TRHDE: variants seen among roughly 807,000 people sequenced by gnomAD.
TRHDE encodes thyrotropin releasing hormone degrading enzyme.
In TRHDE, 72 loss-of-function variants were observed where a neutral mutation model predicts 125.7. The ratio of observed to expected loss-of-function variants is 0.57; its 90% confidence interval spans 0.47 to 0.70. The LOEUF (loss-of-function observed/expected upper bound fraction) is 0.70. Among genes scored for constraint, TRHDE ranks in the 30% least tolerant of loss-of-function variants. The pLI, the probability that TRHDE is intolerant of heterozygous loss-of-function variation, is 0.00. For missense variants in TRHDE, 1,110 were observed against 1,327.1 expected (o/e 0.84, Z 2.54); for synonymous variants, 509 against 509.1 (o/e 1.00, Z 0.00).
chr12:72,252,559 T>G (rs1000816439), intron 2 of TRHDE, among the ~76,000 whole-genome samples: 48 of 152,136 alleles, frequency 3.2e-4, no homozygotes, highest in Non-Finnish European at 5.7e-4. Flanking sequence ...TTATAAAGCT[T>G]AATATCAGGT....
At chr12:72,349,936 A>G (rs963085899) in intron 2 of TRHDE, among the ~76,000 whole-genome samples, 4 of 152,030 alleles carry the variant, frequency 2.6e-5, no homozygotes, top group Admixed American at 2.0e-4. Context: ...TTGTCCTTAC[A>G]TAGATCTAAA....
intron 3 of TRHDE, among the ~76,000 whole-genome samples, chr12:72,399,472 T>C (rs1421869703): frequency 6.6e-6 from 1 of 151,914 alleles, no homozygotes; most frequent in Non-Finnish European, 1.5e-5. Flanking sequence ...TAAACTACTC[T>C]TGTGCTGCTT....
chr12:72,342,529 C>A (rs554140464), intron 2 of TRHDE, among the ~76,000 whole-genome samples: 1 of 152,050 alleles, frequency 6.6e-6, no homozygotes, highest in Non-Finnish European at 1.5e-5. Flanking sequence ...TTAGTATAGG[C>A]GATTGAGATG....
chr12:72,423,869 T>A (rs1874072144), intron 3 of TRHDE, among the ~76,000 whole-genome samples: 1 of 152,074 alleles, frequency 6.6e-6, no homozygotes. Flanking sequence ...TGATGTCATG[T>A]GAGAGGCAAT....
intron 2 of TRHDE, among the ~76,000 whole-genome samples, chr12:72,368,887 C>T (rs1871452215): frequency 6.6e-6 from 1 of 152,072 alleles, no homozygotes. Context: ...TGCTGTGTTT[C>T]CTACCCTTGT....
chr12:72,484,837 C>A (rs1877329789), intron 5 of TRHDE, among the ~76,000 whole-genome samples: 1 of 152,060 alleles, frequency 6.6e-6, no homozygotes. Context: ...CAAGAAAAGT[C>A]CCCAGACAAC....
At chr12:72,460,234 T>C (rs1166308220) in intron 3 of TRHDE, among the ~76,000 whole-genome samples, 2 of 152,196 alleles carry the variant, frequency 1.3e-5, no homozygotes, top group Non-Finnish European at 2.9e-5. Flanking sequence ...CTCACAGTAG[T>C]CCTGCAAAAT....
intron 2 of TRHDE, among the ~76,000 whole-genome samples, chr12:72,199,259 T>A (rs1877507205): frequency 6.6e-6 from 1 of 152,014 alleles, no homozygotes; most frequent in African/African-American, 2.4e-5. Context: ...AAAATCACCA[T>A]AGGAGGTATG....
Position 72,250,837 on chromosome 12 carries a change from GATATATATAT to G in TRHDE, n.280-127141_280-127132del, listed in dbSNP as rs376713479. Among the ~76,000 whole-genome samples, 308 of 117,948 alleles carry G rather than the reference GATATATATAT, an allele frequency of 2.6e-3. 11 individuals are homozygous for G. The South Asian group carries it at 0.054, about 21-fold the overall frequency. The allele number at this position is 117,948 out of a possible 152,430, so 77.4% of individuals were successfully genotyped here. A position where few individuals can be genotyped will look rare whatever the true frequency, so the allele number is the denominator to read the frequency against. On this transcript the variant is annotated intron_variant and non_coding_transcript_variant, in intron 2 of 4. Coordinates refer to the TRHDE transcript ENST00000548156. ...TGTGTAACTTTCAATATGACTTACA[GATATATATAT>G]ATATATATATATATATTTTATTTTT...
At chr12:72,353,607 C>T (rs969345725) in intron 2 of TRHDE, among the ~76,000 whole-genome samples, 1 of 151,316 alleles carries the variant, frequency 6.6e-6, no homozygotes. Flanking sequence ...TGCTCTGAGT[C>T]ACAGAGCAGT....
upstream of TRHDE, chr12:72,272,182 C>A (rs757922856): frequency 2.2e-6 from 1 of 453,908 alleles, no homozygotes; most frequent in Non-Finnish European, 4.4e-6. The surrounding 1 kb of genome is among the most constrained non-coding windows in gnomAD (Gnocchi z 6.7). Context: ...GGGGAGAAAG[C>A]GAAAGCCCTA....
intron 2 of TRHDE, among the ~76,000 whole-genome samples, chr12:72,293,952 G>A (rs1390807550): frequency 6.6e-6 from 1 of 152,214 alleles, no homozygotes; most frequent in African/African-American, 2.4e-5. Flanking sequence ...TATGCCAGCT[G>A]CTGCAGTGGG....
chr12:72,130,408 A>G (rs1400460246), intron 2 of TRHDE, among the ~76,000 whole-genome samples: 2 of 152,262 alleles, frequency 1.3e-5, no homozygotes, highest in Non-Finnish European at 2.9e-5. Context: ...GCAAAGCCAT[A>G]GTTATAAAGA....
intron 1 of TRHDE, among the ~76,000 whole-genome samples, chr12:72,093,608 A>G (rs1316505552): frequency 6.6e-6 from 1 of 151,868 alleles, no homozygotes; most frequent in Non-Finnish European, 1.5e-5. Context: ...CTGCTATTCA[A>G]GCTCTTTATT....
At chr12:72,374,576 T>C (rs1355701933) in intron 2 of TRHDE, among the ~76,000 whole-genome samples, 2 of 151,980 alleles carry the variant, frequency 1.3e-5, no homozygotes, top group Admixed American at 6.6e-5. Flanking sequence ...TAATCAATGA[T>C]TGGGATGAGT....
intron 3 of TRHDE, among the ~76,000 whole-genome samples, chr12:72,422,396 G>T (rs1034818331): frequency 1.3e-5 from 2 of 152,150 alleles, no homozygotes; most frequent in African/African-American, 4.8e-5. Context: ...AAGATACTGT[G>T]TTCTGGTTTA....
At chr12:72,353,897 G>C (rs1368406297) in intron 2 of TRHDE, among the ~76,000 whole-genome samples, 1 of 118,808 alleles carries the variant, frequency 8.4e-6, no homozygotes, top group African/African-American at 2.5e-5. Flanking sequence ...AATTGAGTAT[G>C]CTAATCCTGA....
chr12:72,352,733 A>T (rs905741361), intron 2 of TRHDE, among the ~76,000 whole-genome samples: 2 of 151,666 alleles, frequency 1.3e-5, no homozygotes, highest in African/African-American at 4.8e-5. Context: ...ATGCTCTATT[A>T]TGACGTTTTT....
At chr12:72,639,077 C>G (rs1873909268) in intron 15 of TRHDE, among the ~76,000 whole-genome samples, 1 of 150,878 alleles carries the variant, frequency 6.6e-6, no homozygotes, top group South Asian at 2.1e-4. Flanking sequence ...GGAAGTTCTC[C>G]TGGATAATAT....
Sources: gnomAD v4.1 joint callset for allele counts (sites outside exome capture counted in the v4.1 genomes callset) on GRCh38, gnomAD v4.1.1 for gene constraint, Gnocchi (gnomAD v3.1) non-coding constraint, MANE v1.5 for transcripts, NCBI Gene and HGNC (gene_info 2026-07-23, HGNC 2026-07-21) for gene names.